Variants in OPCML observed in about 807,000 individuals in gnomAD.
The protein encoded by OPCML is opioid binding protein/cell adhesion molecule like, also known as opioid-binding protein/cell adhesion molecule.
In OPCML, 13 loss-of-function variants were observed where a neutral mutation model predicts 37.8. The observed-to-expected ratio is 0.34, with a 90% confidence interval of 0.22 to 0.55. The LOEUF (loss-of-function observed/expected upper bound fraction) is 0.55. Among genes scored for constraint, OPCML ranks in the 20% least tolerant of loss-of-function variants. The probability of loss-of-function intolerance (pLI) is 0.91; values close to 1 mark genes in which losing one functional copy is unlikely to be tolerated. For missense variants in OPCML, 341 were observed against 435.6 expected (o/e 0.78, Z 1.93); for synonymous variants, 176 against 168.8 (o/e 1.04, Z -0.33).
At chr11:132,796,237 C>T (rs1938302356) in intron 2 of OPCML, among the ~76,000 whole-genome samples, 1 of 152,078 alleles carries the variant, frequency 6.6e-6, no homozygotes, top group Non-Finnish European at 1.5e-5. Flanking sequence ...TTATTTTTGG[C>T]TAAATAATAT....
At chr11:132,496,502 T>C (rs1259126625) in intron 4 of OPCML, among the ~76,000 whole-genome samples, 2 of 152,230 alleles carry the variant, frequency 1.3e-5, no homozygotes, top group African/African-American at 4.8e-5. Flanking sequence ...TCTTGAGCTA[T>C]GGGAAAGCAA....
At chr11:133,296,289 T>C (rs1942627421) in intron 1 of OPCML, among the ~76,000 whole-genome samples, 1 of 152,174 alleles carries the variant, frequency 6.6e-6, no homozygotes. Context: ...CCTGTCTGTA[T>C]TTTATTTAGA....
intron 1 of OPCML, among the ~76,000 whole-genome samples, chr11:133,136,972 AAATT>A (rs1949702126): frequency 6.6e-6 from 1 of 152,090 alleles, no homozygotes; most frequent in African/African-American, 2.4e-5. Flanking sequence ...CTTAAAAAAT[AAATT>A]ATTTTGAAAA....
At chr11:133,388,763 T>C (rs762633756) in intron 1 of OPCML, among the ~76,000 whole-genome samples, 5 of 152,188 alleles carry the variant, frequency 3.3e-5, no homozygotes, top group Non-Finnish European at 7.3e-5. Flanking sequence ...AATTGAGTTA[T>C]CATATAAGGA....
intron 4 of OPCML, among the ~76,000 whole-genome samples, chr11:132,480,829 T>G (rs2137014831): frequency 6.6e-6 from 1 of 152,222 alleles, no homozygotes; most frequent in South Asian, 2.1e-4. Flanking sequence ...TGAGAGATTT[T>G]GTCACCACCA....
At chr11:132,643,108 G>C (rs1940952168) in intron 3 of OPCML, among the ~76,000 whole-genome samples, 1 of 151,296 alleles carries the variant, frequency 6.6e-6, no homozygotes, top group African/African-American at 2.5e-5. Flanking sequence ...TTCCTACCCT[G>C]TCTCTACTAA....
chr11:132,678,883 C>T (rs1185169950), intron 2 of OPCML, among the ~76,000 whole-genome samples: 2 of 152,016 alleles, frequency 1.3e-5, no homozygotes. Flanking sequence ...ACACAGTCTG[C>T]CAGTGATGAT....
At chr11:132,767,636 C>A (rs937489126) in intron 2 of OPCML, among the ~76,000 whole-genome samples, 1 of 152,172 alleles carries the variant, frequency 6.6e-6, no homozygotes, top group Non-Finnish European at 1.5e-5. Flanking sequence ...CATATGCTTA[C>A]CAAGAGTCAG....
intron 1 of OPCML, among the ~76,000 whole-genome samples, chr11:133,103,967 G>A (rs1051811217): frequency 2.6e-5 from 4 of 152,226 alleles, no homozygotes; most frequent in African/African-American, 7.2e-5. Context: ...CACAGTGCAA[G>A]TTTTTTCAGG....
Position 132,889,332 on chromosome 11 carries a change from A to G in OPCML, c.146+53594T>C, listed in dbSNP as rs893048549. 9.2e-5 allele frequency among the ~76,000 whole-genome samples: 14 copies of G among 152,232 alleles called. 1 individual carries two copies. The highest frequency in any genetic ancestry group is 3.1e-4 in the African/African-American group (13 of 41,452). On this transcript the variant is annotated intron_variant, in intron 2 of 7. Coordinates refer to ENST00000524381, the MANE Select transcript of OPCML (RefSeq NM_001012393.5). ...AAAGTTGCTTTCTGTTCAAATGTCC[A>G]TGGGACATAACCTTCTGGAGCTTAG...
At position 132,473,185 on chromosome 11, in the gene OPCML, C is replaced by A. The variant is rs370889043; in HGVS notation, c.506-35826G>T. Among the ~76,000 whole-genome samples, 10 of 152,320 alleles carry A rather than the reference C, an allele frequency of 6.6e-5. 1 individual carries two copies. The highest frequency in any genetic ancestry group is 2.4e-4 in the African/African-American group (10 of 41,570). Reference sequence around the variant, plus strand: ...GAATGACCTTTGGCAAAGCCATTCCCAGGGGCAGATTCCCAGCCAATGTGC... The same window carrying A: ...GAATGACCTTTGGCAAAGCCATTCCAAGGGGCAGATTCCCAGCCAATGTGC... On this transcript the variant is annotated intron_variant, in intron 4 of 7. Transcript: ENST00000524381.
intron 3 of OPCML, among the ~76,000 whole-genome samples, chr11:132,531,924 CT>C (rs2096326468): frequency 6.6e-6 from 1 of 151,954 alleles, no homozygotes; most frequent in Non-Finnish European, 1.5e-5. Flanking sequence ...AGTTTTTTGT[CT>C]TAATTTTTTT....
At chr11:132,942,874 C>G in intron 2 of OPCML, 52 bp downstream of exon 2, 1 of 1,607,090 alleles carries the variant, frequency 6.2e-7, no homozygotes, top group Non-Finnish European at 8.5e-7. Flanking sequence ...CCCTCCTCTC[C>G]CCAGCGACCA....
At chr11:133,185,552 G>C (rs1024126971) in intron 1 of OPCML, among the ~76,000 whole-genome samples, 20 of 152,316 alleles carry the variant, frequency 1.3e-4, no homozygotes, top group African/African-American at 4.3e-4. Context: ...GAGAACACTT[G>C]AGCATAGGGA....
intron 1 of OPCML, among the ~76,000 whole-genome samples, chr11:133,049,889 G>T (rs1591951278): frequency 6.6e-6 from 1 of 152,356 alleles, no homozygotes; most frequent in East Asian, 1.9e-4. Context: ...GAGGGCAGTA[G>T]CTGCCTCTCT....
intron 1 of OPCML, among the ~76,000 whole-genome samples, chr11:133,461,322 A>T (rs1555162636): frequency 6.6e-6 from 1 of 151,724 alleles, no homozygotes; most frequent in South Asian, 2.1e-4. Context: ...TAGGTAAAAA[A>T]CTCTAAATGT....
intron 7 of OPCML, among the ~76,000 whole-genome samples, chr11:132,435,522 A>C (rs1407858655): frequency 6.6e-6 from 1 of 152,326 alleles, no homozygotes; most frequent in South Asian, 2.1e-4. Context: ...AGGGGCTTTA[A>C]AGGAGGTCAG....
chr11:133,291,179 C>A (rs1265969141), intron 1 of OPCML, among the ~76,000 whole-genome samples: 1 of 152,238 alleles, frequency 6.6e-6, no homozygotes, highest in African/African-American at 2.4e-5. Context: ...CACTTACTAG[C>A]TCAACCACCA....
intron 1 of OPCML, among the ~76,000 whole-genome samples, chr11:133,457,188 G>C (rs546751713): frequency 2.0e-5 from 3 of 152,298 alleles, no homozygotes; most frequent in African/African-American, 7.2e-5. Context: ...TTACAGGCCA[G>C]AGAAAATTAG....
Sources: gnomAD v4.1 joint callset for allele counts (sites outside exome capture counted in the v4.1 genomes callset) on GRCh38, gnomAD v4.1.1 for gene constraint, MANE v1.5 for transcripts, NCBI Gene and HGNC (gene_info 2026-07-23, HGNC 2026-07-21) for gene names.